EHBP1: variants seen among roughly 807,000 people sequenced by gnomAD.
EHBP1 encodes EH domain-binding protein 1.
EHBP1 carries 55 observed loss-of-function variants against 144.0 expected under a neutral mutation model. The ratio of observed to expected loss-of-function variants is 0.38; its 90% CI spans 0.31 to 0.48. The LOEUF is 0.48. EHBP1 is among the 20% of genes least tolerant of loss of function. The probability of loss-of-function intolerance (pLI) is 0.98; values close to 1 mark genes in which losing one functional copy is unlikely to be tolerated. For synonymous variants in EHBP1, 469 were observed against 472.7 expected, an observed-to-expected ratio of 0.99 and a Z score of 0.10; for missense variants, 1,200 against 1,364.2, an observed-to-expected ratio of 0.88 and a Z score of 1.90.
rs879748897 is a variant in EHBP1 at position 62,836,327 on chromosome 2, C to A, written c.634+5169C>A. Among the ~76,000 whole-genome samples, 69 of 141,428 alleles carry A rather than the reference C, an allele frequency of 4.9e-4. 1 individual carries two copies. The highest frequency in any genetic ancestry group is 1.6e-3 in the African/African-American group (62 of 39,132). The allele number at this position is 141,428 out of a possible 152,430, so 92.8% of individuals were successfully genotyped here. ...TAACAAACAGAAAGGACATCCACAC[C>A]GAAAACCCATCTGTACATCACCATC... On this transcript the variant is annotated intron_variant, in intron 7 of 22. Transcript: ENST00000431489.
At chr2:62,915,120 T>C (rs1334491289) in intron 10 of EHBP1, among the ~76,000 whole-genome samples, 1 of 152,128 alleles carries the variant, frequency 6.6e-6, no homozygotes, top group Non-Finnish European at 1.5e-5. Flanking sequence ...ATGGTCTATG[T>C]ATACGTATGG....
intron 5 of EHBP1, among the ~76,000 whole-genome samples, chr2:62,813,796 C>T (rs1196912360): frequency 2.0e-5 from 3 of 152,180 alleles, no homozygotes; most frequent in Non-Finnish European, 4.4e-5. Context: ...TTACTCCTTT[C>T]TTGTTGCCTA....
chr2:62,713,446 G>A (rs990614537), intron 2 of EHBP1, among the ~76,000 whole-genome samples: 2 of 151,996 alleles, frequency 1.3e-5, no homozygotes, highest in Non-Finnish European at 2.9e-5. Flanking sequence ...GTTTTGCTAT[G>A]TTGGCCAGGC....
intron 19 of EHBP1, among the ~76,000 whole-genome samples, chr2:63,032,967 C>A (rs1314339211): frequency 6.6e-6 from 1 of 152,138 alleles, no homozygotes; most frequent in African/African-American, 2.4e-5. Flanking sequence ...CTGCTGAAAA[C>A]ATCAAGATTA....
At chr2:62,954,848 T>C (rs2057599689) in intron 13 of EHBP1, among the ~76,000 whole-genome samples, 1 of 152,148 alleles carries the variant, frequency 6.6e-6, no homozygotes, top group East Asian at 1.9e-4. Context: ...ATAAGGAGTA[T>C]GAATATTTGT....
intron 7 of EHBP1, among the ~76,000 whole-genome samples, chr2:62,846,368 G>A (rs948037968): frequency 1.3e-5 from 2 of 152,068 alleles, no homozygotes; most frequent in South Asian, 2.1e-4. Context: ...AGGAATTCAA[G>A]GTTAGTTTAA....
intron 1 of EHBP1, among the ~76,000 whole-genome samples, chr2:62,693,294 G>C (rs997155796): frequency 6.6e-6 from 1 of 151,908 alleles, no homozygotes; most frequent in South Asian, 2.1e-4. Flanking sequence ...CCAAATCTTG[G>C]CATTGTGAAT....
chr2:62,836,776 G>C (rs1306885094), intron 7 of EHBP1, among the ~76,000 whole-genome samples: 3 of 145,648 alleles, frequency 2.1e-5, no homozygotes, highest in African/African-American at 7.6e-5. Flanking sequence ...AAGCGAGAAG[G>C]GAAGTTTAGA....
At chr2:63,028,184 A>G (rs937119551) in intron 19 of EHBP1, among the ~76,000 whole-genome samples, 2 of 152,192 alleles carry the variant, frequency 1.3e-5, no homozygotes, top group African/African-American at 4.8e-5. Context: ...ACATTCCACA[A>G]TGTTTACCTA....
chr2:62,732,419 G>T (rs1228127390), intron 2 of EHBP1, among the ~76,000 whole-genome samples: 4 of 152,110 alleles, frequency 2.6e-5, no homozygotes, highest in African/African-American at 9.7e-5. Flanking sequence ...CAAATCTCGT[G>T]TTCAGTTGTA....
chr2:62,801,621 T>C (rs983647538), intron 5 of EHBP1, among the ~76,000 whole-genome samples: 7 of 152,216 alleles, frequency 4.6e-5, no homozygotes, highest in Non-Finnish European at 2.9e-5. Flanking sequence ...AATTTTTTTA[T>C]ACAACTCTTA....
intron 7 of EHBP1, among the ~76,000 whole-genome samples, chr2:62,838,197 C>T (rs560821904): frequency 1.1e-4 from 17 of 152,234 alleles, no homozygotes; most frequent in Admixed American, 7.2e-4. Flanking sequence ...CACTCAAAGC[C>T]GCTCAACTAC....
chr2:63,042,976 A>C (rs1430897248), intron 21 of EHBP1, among the ~76,000 whole-genome samples: 1 of 152,158 alleles, frequency 6.6e-6, no homozygotes, highest in African/African-American at 2.4e-5. Context: ...GCTTATAATC[A>C]GAATGATTTC....
intron 3 of EHBP1, among the ~76,000 whole-genome samples, chr2:62,754,785 GC>G (rs1475185232): frequency 1.3e-5 from 2 of 152,232 alleles, no homozygotes; most frequent in African/African-American, 4.8e-5. Flanking sequence ...GACCCTCCGA[GC>G]CAGGAGCGGG....
chr2:62,944,311 C>T (rs1022165041), intron 12 of EHBP1, among the ~76,000 whole-genome samples: 10 of 152,234 alleles, frequency 6.6e-5, no homozygotes, highest in Middle Eastern at 3.4e-3. Flanking sequence ...ACAGTTATTG[C>T]GCTGCAAAAC....
chr2:62,758,029 A>T (rs892750115), intron 3 of EHBP1, among the ~76,000 whole-genome samples: 1 of 151,718 alleles, frequency 6.6e-6, no homozygotes, highest in Non-Finnish European at 1.5e-5. Context: ...AAAAAAAAAA[A>T]TTTACTTCTC....
intron 19 of EHBP1, among the ~76,000 whole-genome samples, chr2:63,016,412 G>A (rs2060485823): frequency 6.7e-6 from 1 of 150,350 alleles, no homozygotes; most frequent in East Asian, 2.0e-4. Context: ...GGTTTTGGGG[G>A]GTTTTTTGTT....
At chr2:63,043,801 C>T (rs2061783489) in intron 21 of EHBP1, 1 of 151,256 alleles carries the variant, frequency 6.6e-6, no homozygotes, top group African/African-American at 2.4e-5. Context: ...TGAGTTTTAA[C>T]ATGATTGCCC....
chr2:62,737,672 A>G (rs1435541682), intron 2 of EHBP1, among the ~76,000 whole-genome samples: 1 of 152,198 alleles, frequency 6.6e-6, no homozygotes, highest in African/African-American at 2.4e-5. Context: ...AGGAACTGCC[A>G]GACTATTTTT....
Sources: allele counts gnomAD v4.1 joint callset (sites outside exome capture counted in the v4.1 genomes callset), GRCh38; gene constraint gnomAD v4.1.1; transcripts MANE v1.5; gene names NCBI Gene and HGNC (gene_info 2026-07-23, HGNC 2026-07-21).